The following DGKB variants were observed in gnomAD, a reference collection of about 807,000 sequenced individuals.
DGKB encodes diacylglycerol kinase beta.
A neutral mutation model predicts 114.3 loss-of-function variants in DGKB; 67 were observed. The observed-to-expected ratio is 0.59, with a 90% confidence interval of 0.48 to 0.72. DGKB has a LOEUF of 0.72. Among genes scored for constraint, DGKB ranks in the 30% least tolerant of loss-of-function variants. The pLI is 0.00. For missense variants in DGKB, 907 were observed against 975.2 expected, an observed-to-expected ratio of 0.93 and a Z score of 0.93; for synonymous variants, 398 against 323.1, an observed-to-expected ratio of 1.23 and a Z score of -2.49.
chr7:14,673,037 C>G lies in DGKB; in HGVS notation c.1036-10G>C. 6 of 1,512,860 alleles carry G rather than the reference C, an allele frequency of 4.0e-6. No homozygotes were observed. Among genetic ancestry groups the G allele is most frequent in the Non-Finnish European group, 5.4e-6 (6 of 1,108,708 alleles). 93.7% of individuals were successfully genotyped at this position (1,512,860 alleles called of 1,614,324 possible). On this transcript the variant is annotated splice_polypyrimidine_tract_variant and intron_variant, in intron 12 of 25. Transcript: ENST00000402815. ...CACATTTATTATGCAGCTAGAAAAACAGAAAGGGGGATAGTATCAAATTCT... is the reference window on the plus strand; with the variant it reads ...CACATTTATTATGCAGCTAGAAAAAGAGAAAGGGGGATAGTATCAAATTCT...
At chr7:14,241,141 C>T (rs146176334) in intron 23 of DGKB, among the ~76,000 whole-genome samples, 17 of 151,376 alleles carry the variant, frequency 1.1e-4, no homozygotes, top group African/African-American at 2.9e-4. Flanking sequence ...TTCATCTAAC[C>T]TAGCCCCATG....
At chr7:14,435,662 T>C (rs1444645149) in intron 21 of DGKB, among the ~76,000 whole-genome samples, 2 of 152,126 alleles carry the variant, frequency 1.3e-5, no homozygotes, top group East Asian at 3.9e-4. Context: ...TGATGGCTTT[T>C]GTGCCCATGT....
intron 23 of DGKB, among the ~76,000 whole-genome samples, chr7:14,199,011 G>A (rs1031973986): frequency 3.3e-5 from 5 of 152,058 alleles, no homozygotes; most frequent in Non-Finnish European, 5.9e-5. Flanking sequence ...GGCAACTTCA[G>A]GTAAGTCATT....
At chr7:14,716,499 C>T (rs12536592) in intron 6 of DGKB, among the ~76,000 whole-genome samples, 60,251 of 151,992 alleles carry the variant, frequency 0.4, 14,282 homozygotes, top group East Asian at 0.87. Flanking sequence ...TATTTTCATT[C>T]TTCTGGTCTA....
chr7:14,474,653 T>C (rs950988163), intron 21 of DGKB, among the ~76,000 whole-genome samples: 2 of 152,036 alleles, frequency 1.3e-5, no homozygotes, highest in East Asian at 1.9e-4. Flanking sequence ...TATCCTTTTT[T>C]TCAAAAAAGG....
intron 21 of DGKB, among the ~76,000 whole-genome samples, chr7:14,410,493 A>C (rs1824686752): frequency 6.6e-6 from 1 of 152,116 alleles, no homozygotes; most frequent in Admixed American, 6.6e-5. Context: ...AAACGTATTT[A>C]TATTTCCAAG....
intron 13 of DGKB, among the ~76,000 whole-genome samples, chr7:14,637,145 A>C (rs1206814288): frequency 6.6e-6 from 1 of 151,942 alleles, no homozygotes; most frequent in Admixed American, 6.6e-5. Context: ...AACTTTGCTA[A>C]ATAAATAACC....
chr7:14,170,942 G>T (rs1780901351), intron 25 of DGKB, among the ~76,000 whole-genome samples: 1 of 152,166 alleles, frequency 6.6e-6, no homozygotes, highest in South Asian at 2.1e-4. Flanking sequence ...GGAACTGGCA[G>T]TCAAGTCAGA....
At chr7:14,745,379 C>T (rs561027082) in intron 4 of DGKB, among the ~76,000 whole-genome samples, 3 of 152,220 alleles carry the variant, frequency 2.0e-5, no homozygotes, top group African/African-American at 7.2e-5. Context: ...GTCTTCGTCC[C>T]TATTCTAACT....
chr7:14,323,160 T>C (rs1808118487), intron 23 of DGKB, among the ~76,000 whole-genome samples: 1 of 152,094 alleles, frequency 6.6e-6, no homozygotes, highest in Admixed American at 6.6e-5. Context: ...TACTATAAAA[T>C]AATGAAAATA....
intron 23 of DGKB, among the ~76,000 whole-genome samples, chr7:14,222,112 C>A (rs1790078142): frequency 6.6e-6 from 1 of 151,010 alleles, no homozygotes; most frequent in East Asian, 1.9e-4. Context: ...TTTGGCTTCA[C>A]TGACTTTTTA....
chr7:14,580,205 A>C (rs1349679744), intron 19 of DGKB, among the ~76,000 whole-genome samples: 1 of 152,174 alleles, frequency 6.6e-6, no homozygotes, highest in Non-Finnish European at 1.5e-5. Context: ...CCGCCTATGA[A>C]GTTCACACCC....
chr7:14,326,022 T>C (rs1373140278), intron 23 of DGKB, among the ~76,000 whole-genome samples: 3 of 151,962 alleles, frequency 2.0e-5, no homozygotes, highest in South Asian at 2.1e-4. Context: ...TCTACTTATA[T>C]AGGTTATGAG....
At chr7:14,157,375 G>GATT (rs1554266406) in intron 25 of DGKB, among the ~76,000 whole-genome samples, 4 of 145,050 alleles carry the variant, frequency 2.8e-5, no homozygotes, top group African/African-American at 7.6e-5. Context: ...CCTTTTGCCA[G>GATT]TTTTTTTTTT....
intron 1 of DGKB, among the ~76,000 whole-genome samples, chr7:14,948,792 G>T (rs1234090060): frequency 6.6e-6 from 1 of 151,628 alleles, no homozygotes; most frequent in African/African-American, 2.4e-5. Context: ...AACATAATAA[G>T]TTAATATCAG....
chr7:14,332,224 T>C (rs1809851296), intron 23 of DGKB, among the ~76,000 whole-genome samples: 1 of 152,198 alleles, frequency 6.6e-6, no homozygotes, highest in Non-Finnish European at 1.5e-5. Flanking sequence ...ACAGTCACCA[T>C]ATGAGGAAGG....
chr7:14,194,636 A>C (rs75331269), intron 23 of DGKB, among the ~76,000 whole-genome samples: 2 of 152,164 alleles, frequency 1.3e-5, no homozygotes, highest in African/African-American at 4.8e-5. Context: ...ATGTTATATT[A>C]TGTTATATAT....
chr7:14,865,171 T>A (rs7802040), intron 1 of DGKB, among the ~76,000 whole-genome samples: 33,812 of 152,082 alleles, frequency 0.22, 4,119 homozygotes, highest in African/African-American at 0.31. Flanking sequence ...CAGACTTGTG[T>A]TAGGGTTAAG....
At chr7:14,164,601 A>T (rs551087708) in intron 25 of DGKB, among the ~76,000 whole-genome samples, 1 of 152,208 alleles carries the variant, frequency 6.6e-6, no homozygotes, top group South Asian at 2.1e-4. Flanking sequence ...AAAGTTAAAC[A>T]TTATGATAAA....
Sources: allele counts gnomAD v4.1 joint callset (sites outside exome capture counted in the v4.1 genomes callset), GRCh38; gene constraint gnomAD v4.1.1; transcripts MANE v1.5; gene names NCBI Gene and HGNC (gene_info 2026-07-23, HGNC 2026-07-21).